Variants in MOCS1 observed in about 807,000 individuals in gnomAD.
MOCS1 encodes molybdenum cofactor synthesis 1, also known as molybdenum cofactor biosynthesis protein 1.
Under a neutral mutation model 57.6 loss-of-function variants are expected in MOCS1, and 39 were observed. That is an observed-to-expected ratio of 0.68 (90% confidence interval 0.52 to 0.88). The LOEUF (loss-of-function observed/expected upper bound fraction) is 0.88, where lower values mean the gene tolerates loss of function less well. Ranked by LOEUF, MOCS1 falls within the 40% of genes least tolerant of loss-of-function variation. MOCS1 has a pLI of 0.00. For synonymous variants in MOCS1, 334 were observed against 335.7 expected (o/e 1.00, Z 0.05); for missense variants, 795 against 831.1 (o/e 0.96, Z 0.53).
chr6:39,925,123 A>G, intron 3 of MOCS1, among the ~76,000 whole-genome samples: 1 of 152,218 alleles, frequency 6.6e-6, no homozygotes, highest in South Asian at 2.1e-4. Flanking sequence ...TGCACGTTAG[A>G]CAAAAACACA....
In MOCS1 at chr6:39,905,106, C is replaced by T. The variant is rs1282486235; in HGVS notation, c.*1251G>A. The T allele has an allele frequency of 2.2e-6, 1 of 454,538 alleles. No homozygotes were observed. The highest frequency in any genetic ancestry group is 4.4e-6 in the Non-Finnish European group (1 of 226,898). 28.2% of individuals were successfully genotyped at this position (454,538 alleles called of 1,614,324 possible). On this transcript the variant is annotated 3_prime_UTR_variant, in exon 11 of 11. Coordinates refer to ENST00000340692, the MANE Select transcript of MOCS1 (RefSeq NM_001358530.2). ...TTTGCCAGCACACCTTGGCATAGGG[C>T]AGAGGGGAGGCAGGCAGGGGGCACC...
intron 10 of MOCS1, among the ~76,000 whole-genome samples, chr6:39,908,530 T>A (rs1767096635): frequency 6.6e-6 from 1 of 152,210 alleles, no homozygotes; most frequent in Admixed American, 6.5e-5. Flanking sequence ...ATTGGGAAGT[T>A]GAGGTCTTGG....
intron 3 of MOCS1, among the ~76,000 whole-genome samples, chr6:39,924,945 C>A (rs144081633): frequency 6.6e-6 from 1 of 151,962 alleles, no homozygotes; most frequent in Non-Finnish European, 1.5e-5. Flanking sequence ...CCAGGCATAG[C>A]GGTGTGTGCC....
At chr6:39,930,509 G>A (rs190544737) in intron 1 of MOCS1, among the ~76,000 whole-genome samples, 7 of 151,506 alleles carry the variant, frequency 4.6e-5, no homozygotes, top group Non-Finnish European at 7.4e-5. Flanking sequence ...CAGAAAGGTC[G>A]TATATGCAAA....
In MOCS1 at chr6:39,925,996, A is replaced by C. The variant is rs1582833866; in HGVS notation, c.251-151T>G. On this transcript the variant is annotated intron_variant, in intron 2 of 10. Coordinates refer to ENST00000340692, the MANE Select transcript of MOCS1 (RefSeq NM_001358530.2). ...ACCTCACTAAACCTGAGGTGGAAAA[A>C]CCCCAGGCCAGCATCTCCCCAGGCC... The C allele has an allele frequency of 7.7e-6, 6 of 778,042 alleles. No homozygotes were observed. The South Asian group carries it at 7.8e-5, about 10-fold the overall frequency. 48.2% of individuals were successfully genotyped at this position (778,042 alleles called of 1,614,324 possible). A position where few individuals can be genotyped will look rare whatever the true frequency, so the allele number is the denominator to read the frequency against.
rs1479919281 is a variant in MOCS1, at chr6:39,925,668, T to C, written c.418+10A>G. 1 of 1,612,782 alleles carries C rather than the reference T, an allele frequency of 6.2e-7. No individual in the cohort carries two copies. Among genetic ancestry groups the C allele is most frequent in the East Asian group, 2.2e-5 (1 of 44,876 alleles). ...CTGGGAGAAGTGGCGATGACTTTCG[T>C]CCAACTCACCCACAATGTCCACCAC... On this transcript the variant is annotated intron_variant, in intron 3 of 10. Coordinates refer to ENST00000340692, the MANE Select transcript of MOCS1 (RefSeq NM_001358530.2).
Position 39,906,314 on chromosome 6 carries a change from C to A in MOCS1, c.*43G>T. 1 of 1,600,900 alleles carries A rather than the reference C, an allele frequency of 6.2e-7. No homozygotes were observed. Among genetic ancestry groups the A allele is most frequent in the Non-Finnish European group, 8.5e-7 (1 of 1,171,130 alleles). The stretch of plus-strand genomic sequence containing the variant: ...TCTTTCCCTCAGCCTACATTGCATC[C>A]CAGCTCCAGGCCTGGGTGGGCCATG... On this transcript the variant is annotated 3_prime_UTR_variant, in exon 11 of 11. Transcript: ENST00000340692.
At position 39,912,961 on chromosome 6, in the gene MOCS1, C is replaced by T. The variant is rs778653012; in HGVS notation, c.801G>A (p.Met267Ile). ...GCCACTGCTGCCGGACAGTGTCTAGCATCTCCTTATAGCTGACCATCTTCT... is the reference window on the plus strand; with the variant it reads ...GCCACTGCTGCCGGACAGTGTCTAGTATCTCCTTATAGCTGACCATCTTCT... ...NFKKMVSYKE[M>I]LDTVRQQWPE... The change falls in exon 7 of 11, where the codon ATG becomes ATA. Residue 267 changes from methionine to isoleucine, a missense_variant. Transcript: ENST00000340692. 14 of 1,614,174 alleles carry T rather than the reference C, an allele frequency of 8.7e-6. No homozygotes were observed. Among genetic ancestry groups the T allele is most frequent in the Non-Finnish European group, 1.2e-5 (14 of 1,180,036 alleles).
At chr6:39,923,254 A>C (rs1768078872) in intron 3 of MOCS1, among the ~76,000 whole-genome samples, 4 of 152,316 alleles carry the variant, frequency 2.6e-5, no homozygotes, top group South Asian at 2.1e-4. Flanking sequence ...TAACCACAGA[A>C]TATCACAGCA....
chr6:39,912,780 C>T, intron 7 of MOCS1, 112 bp downstream of exon 7: 1 of 857,146 alleles, frequency 1.2e-6, no homozygotes, highest in Admixed American at 1.7e-5. Context: ...TTAAATGGTA[C>T]CATCCCACAT....
chr6:39,916,256 T>G, intron 3 of MOCS1, 24 bp from the exon 4 acceptor site: 1 of 1,611,174 alleles, frequency 6.2e-7, no homozygotes, highest in Non-Finnish European at 8.5e-7. Context: ...AGAAAGGGGG[T>G]CAGACTGCTT....
chr6:39,912,911 T>C lies in MOCS1; in HGVS notation c.851A>G (p.Glu284Gly). 6.2e-7 allele frequency: 1 copy of C among 1,614,128 alleles called. No homozygotes were observed. Among genetic ancestry groups the C allele is most frequent in the Non-Finnish European group, 8.5e-7 (1 of 1,179,998 alleles). ...CCTAACCTTGGCTGTGCTGGATTCC[T>C]CCTCTGGCACCTTCTCCAGCTCTGG... is the stretch of plus-strand genomic sequence containing the variant. ...QWPELEKVPE[E>G]ESSTAKAFKI... is the part of the protein sequence containing the mutation. Residue 284 changes from glutamate to glycine, a missense_variant, in exon 7 of 11, where the codon GAG (glutamate) becomes GGG (glycine). Glu to Gly is a moderately conservative substitution (Grantham distance 98). Transcript: ENST00000340692.
At chr6:39,926,459 G>A (rs1768307737) in intron 2 of MOCS1, among the ~76,000 whole-genome samples, 1 of 151,486 alleles carries the variant, frequency 6.6e-6, no homozygotes. Flanking sequence ...CTGTGGAAGG[G>A]CCACCATCCT....
At chr6:39,928,399 C>A (rs113767724) in intron 1 of MOCS1, among the ~76,000 whole-genome samples, 4,539 of 152,168 alleles carry the variant, frequency 0.03, 235 homozygotes, top group African/African-American at 0.1. Flanking sequence ...CTCCTGACCT[C>A]GTGATCCACC....
At chr6:39,930,227 G>GC (rs1768575667) in intron 1 of MOCS1, among the ~76,000 whole-genome samples, 9 of 151,960 alleles carry the variant, frequency 5.9e-5, no homozygotes, top group South Asian at 2.1e-4. Flanking sequence ...GTCTCCTGGA[G>GC]GAAAAAAATA....
intron 8 of MOCS1, among the ~76,000 whole-genome samples, chr6:39,910,832 C>T (rs899821591): frequency 1.3e-5 from 2 of 152,016 alleles, no homozygotes; most frequent in Admixed American, 6.6e-5. Flanking sequence ...TCCCCTCCCG[C>T]CCCCCAGCTG....
At chr6:39,911,461 C>T (rs1398268274) in intron 8 of MOCS1, among the ~76,000 whole-genome samples, 2 of 152,316 alleles carry the variant, frequency 1.3e-5, no homozygotes, top group East Asian at 3.9e-4. Context: ...TGAATGGCCA[C>T]CTAATTGGTC....
Position 39,912,393 on chromosome 6 carries a change from G to C in MOCS1, c.871-19C>G. The C allele has an allele frequency of 6.4e-7, 1 of 1,562,732 alleles. No homozygotes were observed. Among genetic ancestry groups the C allele is most frequent in the African/African-American group, 1.4e-5 (1 of 73,972 alleles). ...TAAAGGCCTGGGCAGGGGAGAGTGGGAGCAAAAGGGCAGTGGAGGGGATGG... is the reference window on the plus strand; with the variant it reads ...TAAAGGCCTGGGCAGGGGAGAGTGGCAGCAAAAGGGCAGTGGAGGGGATGG... On this transcript the variant is annotated intron_variant, in intron 7 of 10. Transcript: ENST00000340692.
intron 1 of MOCS1, among the ~76,000 whole-genome samples, chr6:39,929,024 A>G (rs1768497205): frequency 6.6e-6 from 1 of 152,184 alleles, no homozygotes; most frequent in Non-Finnish European, 1.5e-5. Context: ...TCTCCAGGTA[A>G]TTCTCATCGG....
Sources: allele counts gnomAD v4.1 joint callset (sites outside exome capture counted in the v4.1 genomes callset), GRCh38; gene constraint gnomAD v4.1.1; transcripts MANE v1.5; gene names NCBI Gene and HGNC (gene_info 2026-07-23, HGNC 2026-07-21).